CAMK1G: variants seen among roughly 807,000 people sequenced by gnomAD.
CAMK1G encodes the protein calcium/calmodulin dependent protein kinase IG.
In CAMK1G, 27 loss-of-function variants were observed where a neutral mutation model predicts 54.8. That is an observed-to-expected ratio of 0.49 (90% confidence interval 0.36 to 0.68). The LOEUF is 0.68. Among genes scored for constraint, CAMK1G ranks in the 30% least tolerant of loss-of-function variants. The pLI, the probability that CAMK1G is intolerant of heterozygous loss-of-function variation, is 0.00. For missense variants in CAMK1G, 512 were observed against 591.0 expected, an observed-to-expected ratio of 0.87 and a Z score of 1.39; for synonymous variants, 238 against 224.9, an observed-to-expected ratio of 1.06 and a Z score of -0.52.
chr1:209,609,076 T>C lies in CAMK1G; in HGVS notation c.732T>C (p.Asp244=). 1 of 1,614,124 alleles carries C rather than the reference T, an allele frequency of 6.2e-7. No homozygotes were observed. The highest frequency in any genetic ancestry group is 8.5e-7 in the Non-Finnish European group (1 of 1,180,002). ...GYYEFESPFW[D]DISESAKDFI... is the part of the protein sequence containing the mutation. ...ATGAGTTTGAGTCTCCATTCTGGGA[T>C]GACATTTCTGAGTCAGGTAAGGCCA... The change falls in exon 8 of 13, where the codon GAT becomes GAC. Residue 244 remains aspartate (D), a synonymous_variant. Transcript: ENST00000361322.
intron 9 of CAMK1G, among the ~76,000 whole-genome samples, chr1:209,610,543 T>C (rs1432006124): frequency 6.6e-6 from 1 of 152,110 alleles, no homozygotes; most frequent in African/African-American, 2.4e-5. Context: ...GGGAGCTATA[T>C]CTGTCTCACC....
rs1293767773 is a variant in CAMK1G, at chr1:209,584,538, T to TCAC, written c.-30+780_-30+782dup. Among the ~76,000 whole-genome samples the TCAC allele has an allele frequency of 4.6e-5, 7 of 151,978 alleles. No individual in the cohort carries two copies. The East Asian group carries it at 1.4e-3, about 30-fold the overall frequency. ...GAAGATCTTAAAAGGAGGTCTGGAT[T>TCAC]CACCACCACCACCACCCCCATCCAC... On this transcript the variant is annotated intron_variant, in intron 1 of 12. Transcript: ENST00000361322.
Position 209,611,779 on chromosome 1 carries a change from T to C in CAMK1G, c.916-13T>C, listed in dbSNP as rs773106760. 8 of 1,611,402 alleles carry C rather than the reference T, an allele frequency of 5.0e-6. No homozygotes were observed. The highest frequency in any genetic ancestry group is 1.3e-5 in the African/African-American group (1 of 74,856). Reference sequence around the variant, plus strand: ...GTTGCAGAAGGCCAGAGGCTGCTCTTGTGTCTCCTTAGCAAGCCTTCAACG... The same window carrying C: ...GTTGCAGAAGGCCAGAGGCTGCTCTCGTGTCTCCTTAGCAAGCCTTCAACG... On this transcript the variant is annotated splice_polypyrimidine_tract_variant and intron_variant, in intron 10 of 12. Transcript: ENST00000361322.
chr1:209,597,736 T>A (rs192855626), intron 2 of CAMK1G, among the ~76,000 whole-genome samples: 4 of 152,314 alleles, frequency 2.6e-5, no homozygotes, highest in African/African-American at 9.6e-5. Flanking sequence ...CTAATGCAGA[T>A]TTTTAAAGTC....
chr1:209,590,273 T>A (rs2102381361), intron 1 of CAMK1G, among the ~76,000 whole-genome samples: 1 of 152,214 alleles, frequency 6.6e-6, no homozygotes, highest in South Asian at 2.1e-4. Flanking sequence ...GGAAGGAACA[T>A]GGGCACCCCT....
At chr1:209,591,488 G>T (rs1244261769) in intron 1 of CAMK1G, among the ~76,000 whole-genome samples, 1 of 152,080 alleles carries the variant, frequency 6.6e-6, no homozygotes, top group Non-Finnish European at 1.5e-5. Context: ...ATCCCATCAG[G>T]CAGCAAAAAG....
chr1:209,601,648 CATT>C (rs1665529008), intron 3 of CAMK1G, among the ~76,000 whole-genome samples: 1 of 152,092 alleles, frequency 6.6e-6, no homozygotes, highest in Non-Finnish European at 1.5e-5. Context: ...AATGTTTGTT[CATT>C]GAGTGAATAA....
intron 1 of CAMK1G, among the ~76,000 whole-genome samples, chr1:209,585,007 C>A (rs1665060287): frequency 2.0e-5 from 3 of 152,150 alleles, no homozygotes; most frequent in Non-Finnish European, 4.4e-5. Context: ...ATAGATGAGA[C>A]CATTGAAGCT....
intron 11 of CAMK1G, among the ~76,000 whole-genome samples, chr1:209,612,478 C>G (rs1017516761): frequency 1.3e-5 from 2 of 152,176 alleles, no homozygotes; most frequent in Non-Finnish European, 2.9e-5. Context: ...CCCAATTAGC[C>G]TGCCTCACAG....
At chr1:209,598,407 C>T (rs975959737) in intron 2 of CAMK1G, among the ~76,000 whole-genome samples, 22 of 152,334 alleles carry the variant, frequency 1.4e-4, no homozygotes, top group African/African-American at 5.1e-4. Flanking sequence ...CCATCTGCTA[C>T]CTCCAGCTGC....
intron 3 of CAMK1G, among the ~76,000 whole-genome samples, chr1:209,602,277 G>C (rs573677456): frequency 6.6e-6 from 1 of 152,182 alleles, no homozygotes; most frequent in Admixed American, 6.5e-5. Context: ...TGCCCTAGTC[G>C]TGACAATCAA....
intron 2 of CAMK1G, among the ~76,000 whole-genome samples, chr1:209,599,046 C>T (rs1665455318): frequency 6.6e-6 from 1 of 152,160 alleles, no homozygotes; most frequent in Non-Finnish European, 1.5e-5. Flanking sequence ...ACAATCATGG[C>T]AGAAGGTGAA....
At chr1:209,603,426 C>T (rs1665574510) in intron 4 of CAMK1G, 138 bp downstream of exon 4, 1 of 680,336 alleles carries the variant, frequency 1.5e-6, no homozygotes, top group African/African-American at 1.8e-5. Flanking sequence ...TCAGAAATGC[C>T]AAGGGTCCTT....
intron 9 of CAMK1G, among the ~76,000 whole-genome samples, chr1:209,611,142 A>T (rs1485786687): frequency 6.6e-6 from 1 of 152,230 alleles, no homozygotes; most frequent in Non-Finnish European, 1.5e-5. Flanking sequence ...GTGCAAAAGG[A>T]GCCACAGACA....
intron 9 of CAMK1G, 57 bp downstream of exon 9, chr1:209,609,986 C>A: frequency 1.5e-6 from 2 of 1,346,374 alleles, no homozygotes; most frequent in Non-Finnish European, 2.1e-6. Context: ...CAAAACCATG[C>A]TGACTCATTC....
Position 209,613,624 on chromosome 1 carries a change from C to T in CAMK1G, c.*622C>T, listed in dbSNP as rs998630921. On this transcript the variant is annotated 3_prime_UTR_variant, in exon 13 of 13. Coordinates refer to ENST00000361322, the MANE Select transcript of CAMK1G (RefSeq NM_020439.3). ...CAAGTGCGCTGAGACCCAGCCAGCA[C>T]ACTTCTGGCCCTTCTCCCTGCCTCA... 6.6e-6 allele frequency: 1 copy of T among 152,242 alleles called. No individual in the cohort carries two copies. The allele number at this position is 152,242 out of a possible 1,614,324, so 9.4% of individuals were successfully genotyped here.
chr1:209,583,798 G>A (rs958032657), intron 1 of CAMK1G, 26 bp downstream of exon 1: 1 of 152,134 alleles, frequency 6.6e-6, no homozygotes, highest in Non-Finnish European at 1.5e-5. Flanking sequence ...TTCTTTTCTT[G>A]GCTTTAGAGG....
At chr1:209,593,265 G>C (rs1046635373) in intron 1 of CAMK1G, among the ~76,000 whole-genome samples, 2 of 152,164 alleles carry the variant, frequency 1.3e-5, no homozygotes, top group Non-Finnish European at 1.5e-5. Context: ...TTGTTCAAAG[G>C]CTATTATTAA....
chr1:209,606,549 G>A, intron 6 of CAMK1G, 106 bp downstream of exon 6: 4 of 1,278,712 alleles, frequency 3.1e-6, no homozygotes, highest in Non-Finnish European at 4.4e-6. Flanking sequence ...CAACTTCAGG[G>A]GCTATCCTGG....
Sources: gnomAD v4.1 joint callset for allele counts (sites outside exome capture counted in the v4.1 genomes callset) on GRCh38, gnomAD v4.1.1 for gene constraint, MANE v1.5 for transcripts, NCBI Gene and HGNC (gene_info 2026-07-23, HGNC 2026-07-21) for gene names.